SPATA17: variants seen among roughly 807,000 people sequenced by gnomAD.
SPATA17 encodes spermatogenesis associated 17, also known as spermatogenesis-associated protein 17.
In SPATA17, 53 loss-of-function variants were observed where a neutral mutation model predicts 62.2. The ratio of observed to expected loss-of-function variants is 0.85; its 90% CI spans 0.68 to 1.07. The LOEUF (loss-of-function observed/expected upper bound fraction) is 1.07. Among genes scored for constraint, SPATA17 ranks in the 50% least tolerant of loss-of-function variants. The pLI is 0.00. For missense variants in SPATA17, 466 were observed against 425.5 expected, an observed-to-expected ratio of 1.10 and a Z score of -0.84; for synonymous variants, 146 against 146.8, an observed-to-expected ratio of 0.99 and a Z score of 0.04.
At chr1:217,735,474 A>T (rs1039758717) in intron 5 of SPATA17, among the ~76,000 whole-genome samples, 1 of 152,160 alleles carries the variant, frequency 6.6e-6, no homozygotes, top group Admixed American at 6.5e-5. Flanking sequence ...ATGCCATCAC[A>T]TTTAGGATTT....
At position 217,669,094 on chromosome 1, in the gene SPATA17, C is replaced by T. The variant is rs1378675766; in HGVS notation, c.291+11C>T. The T allele has an allele frequency of 1.2e-6, 2 of 1,607,602 alleles. No homozygotes were observed. The highest frequency in any genetic ancestry group is 1.1e-5 in the South Asian group (1 of 89,992). ...GCAATGGCTGTCAGGGTAAATATTTCTTCACTTGTTAAACAAATGAAAAGT... is the reference window on the plus strand; with the variant it reads ...GCAATGGCTGTCAGGGTAAATATTTTTTCACTTGTTAAACAAATGAAAAGT... On this transcript the variant is annotated intron_variant, in intron 4 of 10. Coordinates refer to ENST00000366933, the MANE Select transcript of SPATA17 (RefSeq NM_138796.4).
At chr1:217,813,671 T>C (rs376394496) in intron 9 of SPATA17, among the ~76,000 whole-genome samples, 35 of 152,266 alleles carry the variant, frequency 2.3e-4, no homozygotes, top group Middle Eastern at 3.4e-3. Context: ...CTCTCCCTCT[T>C]TAACAATATA....
chr1:217,797,114 G>A (rs374363270), intron 8 of SPATA17, among the ~76,000 whole-genome samples: 21 of 152,104 alleles, frequency 1.4e-4, no homozygotes, highest in African/African-American at 3.9e-4. Context: ...ACGTTCTTTC[G>A]AAATGCTTTG....
chr1:217,727,685 A>G (rs563639398), intron 5 of SPATA17, among the ~76,000 whole-genome samples: 7 of 152,312 alleles, frequency 4.6e-5, no homozygotes, highest in African/African-American at 1.7e-4. Context: ...GTGGATAATT[A>G]AGCAAACATT....
At chr1:217,754,708 A>G (rs560262237) in intron 6 of SPATA17, among the ~76,000 whole-genome samples, 3 of 152,164 alleles carry the variant, frequency 2.0e-5, no homozygotes, top group African/African-American at 4.8e-5. Flanking sequence ...GAAAAACTTC[A>G]TAATCTTTCT....
At chr1:217,804,638 C>T (rs1025397604) in intron 9 of SPATA17, among the ~76,000 whole-genome samples, 3 of 152,064 alleles carry the variant, frequency 2.0e-5, no homozygotes, top group Non-Finnish European at 2.9e-5. Context: ...GCCAACCATA[C>T]ATTTGATAGA....
At chr1:217,824,241 A>T (rs1674934797) in intron 9 of SPATA17, among the ~76,000 whole-genome samples, 1 of 151,408 alleles carries the variant, frequency 6.6e-6, no homozygotes. Context: ...TATTCATTTC[A>T]CTTAGTTACT....
rs1171736800 is a variant in SPATA17, at chr1:217,649,944, T to TC, written c.158+973_158+974insC. ...AGACAAGGCTTCTCTCTTTTTTTTT[T>TC]TTTTTTTTTTCTGAAACGGAGTTTT... On this transcript the variant is annotated intron_variant, in intron 2 of 10. Transcript: ENST00000366933. Among the ~76,000 whole-genome samples the TC allele has an allele frequency of 2.6e-5, 4 of 150,964 alleles. No individual in the cohort carries two copies. In the South Asian group the frequency reaches 8.4e-4, roughly 32 times the overall value.
intron 6 of SPATA17, among the ~76,000 whole-genome samples, chr1:217,771,475 T>A (rs1673443414): frequency 6.6e-6 from 1 of 152,096 alleles, no homozygotes. Flanking sequence ...ATATGGCAAT[T>A]GAGACAATAG....
chr1:217,851,079 T>C (rs1301818060), intron 9 of SPATA17, among the ~76,000 whole-genome samples: 1 of 152,182 alleles, frequency 6.6e-6, no homozygotes, highest in Non-Finnish European at 1.5e-5. Flanking sequence ...ATATAATTAA[T>C]GCTGTTCAGC....
intron 5 of SPATA17, among the ~76,000 whole-genome samples, chr1:217,690,759 G>A (rs1262484342): frequency 3.2e-5 from 4 of 126,028 alleles, no homozygotes; most frequent in Non-Finnish European, 3.3e-5. Flanking sequence ...TTGTTCTTGC[G>A]ATAGTTTACT....
At chr1:217,843,379 G>A (rs892989145) in intron 9 of SPATA17, among the ~76,000 whole-genome samples, 40 of 152,006 alleles carry the variant, frequency 2.6e-4, no homozygotes, top group Non-Finnish European at 4.4e-4. Context: ...CACTTTGGGA[G>A]GCTGAGGTGG....
chr1:217,680,743 G>A lies in SPATA17; in HGVS notation c.292-2515G>A, dbSNP rs543709485. On this transcript the variant is annotated intron_variant, in intron 4 of 10. Transcript: ENST00000366933. The stretch of plus-strand genomic sequence containing the variant: ...AGTTCAAGACCAGCCTGGCCAACAT[G>A]GTGAAACCCTGCCTCTATTAAAATT... 2.0e-5 allele frequency among the ~76,000 whole-genome samples: 3 copies of A among 151,620 alleles called. No homozygotes were observed. The South Asian group carries it at 6.3e-4, about 32-fold the overall frequency.
rs190975666 is a variant in SPATA17, at chr1:217,638,982, T to A, written c.68+7536T>A. Among the ~76,000 whole-genome samples, 174 of 152,192 alleles carry A rather than the reference T, an allele frequency of 1.1e-3. 1 individual carries two copies. In the Middle Eastern group the frequency reaches 0.017, roughly 15 times the overall value. ...GAGGACATACCCAGAGGACTTGTTA[T>A]GTGAATAATAGTTACTGCAGAATTC... On this transcript the variant is annotated intron_variant, in intron 1 of 10. Transcript: ENST00000366933.
At chr1:217,860,696 C>A (rs184778588) in intron 9 of SPATA17, among the ~76,000 whole-genome samples, 65 of 152,164 alleles carry the variant, frequency 4.3e-4, no homozygotes, top group African/African-American at 1.6e-3. Flanking sequence ...CATGGTATAT[C>A]TTTCTGCATC....
intron 7 of SPATA17, among the ~76,000 whole-genome samples, chr1:217,780,789 G>A (rs1346962722): frequency 1.3e-5 from 2 of 152,048 alleles, no homozygotes; most frequent in Non-Finnish European, 2.9e-5. Context: ...ACATGGTAAG[G>A]GTGTCACATT....
At chr1:217,807,690 A>G (rs1364574240) in intron 9 of SPATA17, among the ~76,000 whole-genome samples, 1 of 152,188 alleles carries the variant, frequency 6.6e-6, no homozygotes, top group Non-Finnish European at 1.5e-5. Flanking sequence ...TAAGAACATT[A>G]GTCAAAAAAC....
At chr1:217,788,683 A>G (rs541751880) in intron 8 of SPATA17, among the ~76,000 whole-genome samples, 19 of 152,166 alleles carry the variant, frequency 1.2e-4, no homozygotes, top group African/African-American at 7.2e-5. Flanking sequence ...GGCTGCCTCT[A>G]GAAGTCACAA....
chr1:217,767,599 T>G (rs576794329), intron 6 of SPATA17, among the ~76,000 whole-genome samples: 1 of 152,308 alleles, frequency 6.6e-6, no homozygotes, highest in East Asian at 1.9e-4. Flanking sequence ...AGGTTTCTAT[T>G]GACGTATCCT....
Sources: allele counts gnomAD v4.1 joint callset (sites outside exome capture counted in the v4.1 genomes callset), GRCh38; gene constraint gnomAD v4.1.1; transcripts MANE v1.5; gene names NCBI Gene and HGNC (gene_info 2026-07-23, HGNC 2026-07-21).